The following IL4R variants were observed in gnomAD, a reference collection of about 807,000 sequenced individuals.
IL4R encodes the protein interleukin-4 receptor subunit alpha.
IL4R carries 17 observed loss-of-function variants against 41.5 expected under a neutral mutation model. The ratio of observed to expected loss-of-function variants is 0.41; its 90% CI spans 0.28 to 0.61. The LOEUF is 0.61. IL4R is among the 20% of genes least tolerant of loss of function. IL4R has a pLI of 0.31. For missense variants in IL4R, 974 were observed against 1,043.1 expected, an observed-to-expected ratio of 0.93 and a Z score of 0.91; for synonymous variants, 402 against 422.9, an observed-to-expected ratio of 0.95 and a Z score of 0.61.
intron 4 of IL4R, among the ~76,000 whole-genome samples, chr16:27,343,795 G>A (rs2085522024): frequency 6.6e-6 from 1 of 152,112 alleles, no homozygotes; most frequent in Non-Finnish European, 1.5e-5. Flanking sequence ...TCACTTATAA[G>A]TAAGAGTTAA....
intron 1 of IL4R, among the ~76,000 whole-genome samples, chr16:27,322,205 C>T (rs1327198046): frequency 6.6e-6 from 1 of 150,794 alleles, no homozygotes; most frequent in African/African-American, 2.4e-5. Flanking sequence ...CAGTTTTTTG[C>T]TTTATTTTTG....
intron 8 of IL4R, among the ~76,000 whole-genome samples, chr16:27,357,064 A>C (rs947107639): frequency 6.6e-6 from 1 of 152,126 alleles, no homozygotes; most frequent in African/African-American, 2.4e-5. Flanking sequence ...AGGATTATTA[A>C]CATGATTGAT....
intron 6 of IL4R, among the ~76,000 whole-genome samples, chr16:27,351,411 C>T (rs143426663): frequency 7.0e-4 from 107 of 151,996 alleles, no homozygotes; most frequent in East Asian, 1.9e-3. Flanking sequence ...TGCCCACACT[C>T]GAGAAGACCA....
chr16:27,333,336 C>T lies in IL4R; in HGVS notation c.-19+3138C>T, dbSNP rs2085165476. Among the ~76,000 whole-genome samples, 4 of 151,962 alleles carry T rather than the reference C, an allele frequency of 2.6e-5. No individual in the cohort carries two copies. In the South Asian group the frequency reaches 8.3e-4, roughly 31 times the overall value. Reference sequence around the variant, plus strand: ...GGAACTGTTGTTTGAAATTGACAAGCAGGATGGCCAACTCTGCCCGGCTCA... The same window carrying T: ...GGAACTGTTGTTTGAAATTGACAAGTAGGATGGCCAACTCTGCCCGGCTCA... On this transcript the variant is annotated intron_variant, in intron 2 of 10. Coordinates refer to ENST00000395762, the MANE Select transcript of IL4R (RefSeq NM_000418.4).
Position 27,358,954 on chromosome 16 carries a change from C to A in IL4R, c.809C>A (p.Ala270Asp). The stretch of plus-strand genomic sequence containing the variant: ...TGGTGGGATCAGATTCCCAACCCAG[C>A]CCGCAGCCGCCTCGTGGCTATAATA... ...KEWWDQIPNP[A>D]RSRLVAIIIQ... is the part of the protein sequence containing the mutation. Residue 270 changes from alanine to aspartate, a missense_variant, in exon 9 of 11, where the codon GCC (alanine) becomes GAC (aspartate). Physicochemically the swap from Ala to Asp is moderately radical, Grantham distance 126. Transcript: ENST00000395762. 1 of 1,614,002 alleles carries A rather than the reference C, an allele frequency of 6.2e-7. No individual in the cohort carries two copies. The highest frequency in any genetic ancestry group is 8.5e-7 in the Non-Finnish European group (1 of 1,179,886).
Position 27,355,808 on chromosome 16 carries a change from C to A in IL4R, c.671C>A (p.Ser224Tyr), listed in dbSNP as rs759471191. 1.4e-5 allele frequency: 22 copies of A among 1,610,724 alleles called. No individual in the cohort carries two copies. The South Asian group carries it at 2.4e-4, about 18-fold the overall frequency. The stretch of plus-strand genomic sequence containing the variant: ...TCATGGCTTCCCCTCCCACTTCCAG[C>A]CTACAGGGAGCCCTTCGAGCAGCAC... ...EWSPSTKWHNSYREPFEQHLL... is the reference protein window; with the variant it reads ...EWSPSTKWHNYYREPFEQHLL... Residue 224 changes from serine to tyrosine, a missense_variant and splice_region_variant, in exon 8 of 11, where the codon TCC becomes TAC. By Grantham distance (144) the Ser-to-Tyr change is moderately radical. This residue lies in a region of IL4R where 284 missense variants were observed against 313.4 expected (regional missense o/e 0.91). Coordinates refer to ENST00000395762, the MANE Select transcript of IL4R (RefSeq NM_000418.4).
chr16:27,336,179 G>A (rs1836227005), intron 2 of IL4R, among the ~76,000 whole-genome samples: 2 of 152,062 alleles, frequency 1.3e-5, no homozygotes, highest in African/African-American at 2.4e-5. Flanking sequence ...AACTTAGCTC[G>A]GAACACTTGC....
chr16:27,351,515 T>C (rs1050059712), intron 6 of IL4R, among the ~76,000 whole-genome samples: 2 of 115,870 alleles, frequency 1.7e-5, no homozygotes, highest in African/African-American at 5.8e-5. Context: ...TCTCTCTTTT[T>C]TTTTTTTTTT....
intron 2 of IL4R, among the ~76,000 whole-genome samples, chr16:27,331,502 ACT>A (rs1193405437): frequency 6.6e-6 from 1 of 152,110 alleles, no homozygotes; most frequent in Non-Finnish European, 1.5e-5. Flanking sequence ...CATGTGGTAA[ACT>A]CTGTGTGTTT....
In IL4R at chr16:27,360,186, G is replaced by A. The variant is rs900368121; in HGVS notation, c.850-580G>A. Among the ~76,000 whole-genome samples the A allele has an allele frequency of 2.0e-4, 30 of 152,176 alleles. 1 individual carries two copies. The highest frequency in any genetic ancestry group is 1.6e-3 in the Admixed American group (24 of 15,282). The stretch of plus-strand genomic sequence containing the variant: ...TGTGCCACCACGCCAGGCTAATTTT[G>A]TATTTTTAATAGAGATGGGGTTTCT... On this transcript the variant is annotated intron_variant, in intron 9 of 10. Transcript: ENST00000395762.
intron 1 of IL4R, among the ~76,000 whole-genome samples, chr16:27,327,320 C>CCCCTGCCA (rs2084983670): frequency 6.6e-6 from 1 of 152,172 alleles, no homozygotes; most frequent in African/African-American, 2.4e-5. Context: ...GCCCCCTGCC[C>CCCCTGCCA]CCCTGCCACC....
chr16:27,321,559 C>T (rs1416682344), intron 1 of IL4R, among the ~76,000 whole-genome samples: 2 of 152,198 alleles, frequency 1.3e-5, no homozygotes, highest in African/African-American at 4.8e-5. Context: ...ACTTGGAGTG[C>T]ATATTGGGCT....
At chr16:27,324,313 G>T (rs1401088848) in intron 1 of IL4R, among the ~76,000 whole-genome samples, 1 of 152,210 alleles carries the variant, frequency 6.6e-6, no homozygotes, top group Non-Finnish European at 1.5e-5. Context: ...ACATTTAAGG[G>T]GACTCCAAGC....
intron 2 of IL4R, among the ~76,000 whole-genome samples, chr16:27,337,037 A>G (rs975300216): frequency 2.6e-5 from 4 of 152,150 alleles, no homozygotes; most frequent in African/African-American, 9.7e-5. Flanking sequence ...AGATCGCGCC[A>G]TTGCACTCCA....
At chr16:27,314,787 A>T (rs1279863334) in intron 1 of IL4R, among the ~76,000 whole-genome samples, 1 of 152,196 alleles carries the variant, frequency 6.6e-6, no homozygotes. Context: ...CTTAAAATGC[A>T]GATTCCCAGG....
chr16:27,362,195 T>C (rs992582726), intron 10 of IL4R, 57 bp from the exon 11 acceptor site: 1 of 1,559,960 alleles, frequency 6.4e-7, no homozygotes, highest in Admixed American at 1.8e-5. Context: ...CTTTGAAGAA[T>C]GAATAGGAGT....
At chr16:27,325,334 G>A (rs1039093268) in intron 1 of IL4R, among the ~76,000 whole-genome samples, 2 of 152,168 alleles carry the variant, frequency 1.3e-5, no homozygotes, top group Admixed American at 1.3e-4. Flanking sequence ...CACTTTGGGA[G>A]GCTGAGGTGG....
intron 6 of IL4R, among the ~76,000 whole-genome samples, chr16:27,348,543 C>T (rs1369920454): frequency 1.3e-5 from 2 of 152,230 alleles, no homozygotes; most frequent in Non-Finnish European, 2.9e-5. Context: ...AGGCTCTTCC[C>T]TCATGTAGTG....
intron 9 of IL4R, among the ~76,000 whole-genome samples, chr16:27,360,378 A>C (rs533512709): frequency 2.0e-5 from 3 of 152,344 alleles, no homozygotes; most frequent in African/African-American, 7.2e-5. Flanking sequence ...ACTCTCCAGC[A>C]GGCCGGCCCA....
Sources: allele counts gnomAD v4.1 joint callset (sites outside exome capture counted in the v4.1 genomes callset), GRCh38; gene constraint gnomAD v4.1.1; regional missense constraint gnomAD v4.1.1; transcripts MANE v1.5; gene names NCBI Gene and HGNC (gene_info 2026-07-23, HGNC 2026-07-21).